Variants in FAM186B observed in about 807,000 individuals in gnomAD.
FAM186B encodes the protein protein FAM186B.
Under a neutral mutation model 83.4 loss-of-function variants are expected in FAM186B, and 68 were observed. The ratio of observed to expected loss-of-function variants is 0.81; its 90% CI spans 0.67 to 1.00. FAM186B has a LOEUF of 1.00. Ranked by LOEUF, FAM186B falls within the 50% of genes least tolerant of loss-of-function variation. The pLI is 0.00. For synonymous variants in FAM186B, 389 were observed against 422.0 expected (o/e 0.92, Z 0.96); for missense variants, 983 against 1,099.2 (o/e 0.89, Z 1.49).
the FAM186B span, among the ~76,000 whole-genome samples, chr12:49,615,436 C>G: frequency 6.6e-6 from 1 of 152,138 alleles, no homozygotes; most frequent in Non-Finnish European, 1.5e-5. Flanking sequence ...AGATAAAGAG[C>G]TACTACAACT....
chr12:49,621,135 C>T, the FAM186B span, among the ~76,000 whole-genome samples: 1 of 152,224 alleles, frequency 6.6e-6, no homozygotes, highest in African/African-American at 2.4e-5. Flanking sequence ...GTAATCCCAA[C>T]ACTTTGCCAG....
Position 49,587,695 on chromosome 12 carries a change from G to GT in FAM186B, c.2591dup (p.Tyr864Ter). 6.2e-7 allele frequency: 1 copy of GT among 1,614,084 alleles called. No individual in the cohort carries two copies. ...VWKTEVASSS[Y>*]AIEKKTPASL... ...TGGCAGGGGTCTTTTTTTCTATTGC[G>GT]TAACTGGAGGAGGCCACCTCGGTCT... is the stretch of plus-strand genomic sequence containing the variant. The change falls in exon 7 of 7, where the codon TAC (tyrosine) becomes TAAC (stop). Residue 864 changes from tyrosine (Y) to a stop codon, truncating the protein, a stop_gained and frameshift_variant. Transcript: ENST00000257894. LOFTEE classifies it low-confidence loss of function (END_TRUNC).
At chr12:49,608,261 CG>C (rs984733612), upstream of FAM186B, among the ~76,000 whole-genome samples, 191 of 149,940 alleles carry the variant, frequency 1.3e-3, 1 homozygote, top group African/African-American at 4.5e-3. Flanking sequence ...GAGCCTGAGG[CG>C]GGTGGATCAC....
In FAM186B at chr12:49,599,878, G is replaced by C; in HGVS notation, c.1762C>G (p.Gln588Glu). The change falls in exon 4 of 7, where the codon CAA (glutamine) becomes GAA (glutamate). Residue 588 changes from glutamine (Q) to glutamate (E), a missense_variant. Transcript: ENST00000257894. The part of the protein sequence containing the change: ...PAPSRTQSAH[Q>E]SRRPHLPMSP... Reference sequence around the variant, plus strand: ...ATGGGCAAGTGTGGCCTCCTGCTTTGGTGAGCAGATTGGGTCCGGCTTGGG... The same window carrying C: ...ATGGGCAAGTGTGGCCTCCTGCTTTCGTGAGCAGATTGGGTCCGGCTTGGG... 6.2e-7 allele frequency: 1 copy of C among 1,609,488 alleles called. No homozygotes were observed. The highest frequency in any genetic ancestry group is 1.7e-5 in the Admixed American group (1 of 59,692).
In FAM186B at chr12:49,601,026, A is replaced by T. The variant is rs779576089; in HGVS notation, c.614T>A (p.Met205Lys). The change falls in exon 4 of 7, where the codon ATG becomes AAG. Residue 205 changes from methionine to lysine, a missense_variant. Met to Lys is a moderately conservative substitution (Grantham distance 95). Coordinates refer to ENST00000257894, the MANE Select transcript of FAM186B (RefSeq NM_032130.3). ...PEQMLQDQHT[M>K]NTKASEVTSM... ...CGTCACCTCCGAGGCCTTCGTGTTCATGGTATGCTGGTCCTGGAGCATCTG... is the reference window on the plus strand; with the variant it reads ...CGTCACCTCCGAGGCCTTCGTGTTCTTGGTATGCTGGTCCTGGAGCATCTG... 1 of 1,614,056 alleles carries T rather than the reference A, an allele frequency of 6.2e-7. No individual in the cohort carries two copies. The highest frequency in any genetic ancestry group is 8.5e-7 in the Non-Finnish European group (1 of 1,180,028).
At position 49,605,458 on chromosome 12, in the gene FAM186B, G is replaced by A. The variant is rs377032725; in HGVS notation, c.20C>T (p.Pro7Leu). The change falls in exon 1 of 7, where the codon CCA becomes CTA. Residue 7 changes from proline to leucine, a missense_variant. By Grantham distance (98) the Pro-to-Leu change is moderately conservative (BLOSUM62 -3). Coordinates refer to ENST00000257894, the MANE Select transcript of FAM186B (RefSeq NM_032130.3). MEKDDP[P>L]QLVTPTSVKA... The stretch of plus-strand genomic sequence containing the variant: ...CACTGATGTGGGAGTCACCAACTGT[G>A]GGGGGTCATCCTTCTCCATTTTGGA... 16 of 1,613,412 alleles carry A rather than the reference G, an allele frequency of 9.9e-6. No homozygotes were observed. The highest frequency in any genetic ancestry group is 1.7e-5 in the Admixed American group (1 of 59,952).
At position 49,598,817 on chromosome 12, in the gene FAM186B, G is replaced by T. The variant is rs1939790496; in HGVS notation, c.2302C>A (p.Gln768Lys). The T allele has an allele frequency of 9.9e-6, 16 of 1,612,770 alleles. No homozygotes were observed. The highest frequency in any genetic ancestry group is 1.4e-5 in the Non-Finnish European group (16 of 1,179,840). Residue 768 changes from glutamine (Q) to lysine (K), a missense_variant, in exon 5 of 7, where the codon CAG (glutamine) becomes AAG (lysine). Coordinates refer to ENST00000257894, the MANE Select transcript of FAM186B (RefSeq NM_032130.3). ...CGGTGCTTCTCCTCCAGCCCCTTCT[G>T]CTTGTCCGTCCAGGCCTGCAGCCTG... ...SLRLQAWTDKQKGLEEKHREC... is the reference protein window; with the variant it reads ...SLRLQAWTDKKKGLEEKHREC...
downstream of FAM186B, among the ~76,000 whole-genome samples, chr12:49,585,829 T>C (rs1939430802): frequency 6.6e-6 from 1 of 151,976 alleles, no homozygotes; most frequent in Non-Finnish European, 1.5e-5. Flanking sequence ...CGAGAAAAGG[T>C]GCACTTCAGG....
chr12:49,586,628 A>G (rs910658595), downstream of FAM186B, among the ~76,000 whole-genome samples: 1 of 152,184 alleles, frequency 6.6e-6, no homozygotes, highest in Admixed American at 6.5e-5. Context: ...ACTGGGTTAC[A>G]GTGTTCTCCC....
the FAM186B span, among the ~76,000 whole-genome samples, chr12:49,616,380 CTAAG>C: frequency 6.6e-6 from 1 of 152,110 alleles, no homozygotes; most frequent in Non-Finnish European, 1.5e-5. Context: ...AATCCCACTC[CTAAG>C]TATTTAAATA....
In FAM186B at chr12:49,599,725, C is replaced by T. The variant is rs779637034; in HGVS notation, c.1915G>A (p.Gly639Arg). ...PKKSASFPVTGTSIRRLTWPS... is the reference protein window; with the variant it reads ...PKKSASFPVTRTSIRRLTWPS... ...CAGGTCAGCCTTCGGATGGATGTCCCAGTGACAGGAAAGGAGGCAGATTTC... is the reference window on the plus strand; with the variant it reads ...CAGGTCAGCCTTCGGATGGATGTCCTAGTGACAGGAAAGGAGGCAGATTTC... Residue 639 changes from glycine to arginine, a missense_variant, in exon 4 of 7, where the codon GGG becomes AGG. Coordinates refer to ENST00000257894, the MANE Select transcript of FAM186B (RefSeq NM_032130.3). The T allele has an allele frequency of 8.1e-6, 13 of 1,613,918 alleles. No individual in the cohort carries two copies. Among genetic ancestry groups the T allele is most frequent in the Non-Finnish European group, 1.1e-5 (13 of 1,179,886 alleles).
the FAM186B span, among the ~76,000 whole-genome samples, chr12:49,621,716 G>C: frequency 5.9e-5 from 9 of 152,242 alleles, no homozygotes; most frequent in Admixed American, 5.9e-4. Context: ...GGGGAGGACA[G>C]ACCCAAGGAG....
At chr12:49,612,842 CA>C in the FAM186B span, among the ~76,000 whole-genome samples, 1 of 152,102 alleles carries the variant, frequency 6.6e-6, no homozygotes, top group East Asian at 1.9e-4. Flanking sequence ...AAAATACTAA[CA>C]AAGAAATTCA....
At chr12:49,584,558 A>G (rs938011246), downstream of FAM186B, 1 of 702,316 alleles carries the variant, frequency 1.4e-6, no homozygotes, top group Non-Finnish European at 2.6e-6. Context: ...TTTTTGAACA[A>G]GCTAAGCGGA....
downstream of FAM186B, chr12:49,584,613 C>T (rs1263182057): frequency 1.6e-5 from 11 of 702,174 alleles, no homozygotes; most frequent in African/African-American, 5.2e-5. Context: ...TTCGCTGAGG[C>T]GCTGCAAGAG....
At chr12:49,605,841 C>A (rs1940008531), upstream of FAM186B, among the ~76,000 whole-genome samples, 1 of 150,552 alleles carries the variant, frequency 6.6e-6, no homozygotes, top group African/African-American at 2.5e-5. Context: ...TCACTGCAAC[C>A]TCCACTTCCT....
chr12:49,605,361 T>A, intron 1 of FAM186B, 21 bp downstream of exon 1: 1 of 1,605,852 alleles, frequency 6.2e-7, no homozygotes, highest in Admixed American at 1.7e-5. Flanking sequence ...GTAAGAGTGA[T>A]TCCTTCATCT....
Position 49,600,475 on chromosome 12 carries a change from G to A in FAM186B, c.1165C>T (p.His389Tyr). 1 of 1,613,498 alleles carries A rather than the reference G, an allele frequency of 6.2e-7. No individual in the cohort carries two copies. Among genetic ancestry groups the A allele is most frequent in the Non-Finnish European group, 8.5e-7 (1 of 1,179,672 alleles). The change falls in exon 4 of 7, where the codon CAC becomes TAC. Residue 389 changes from histidine to tyrosine, a missense_variant. Transcript: ENST00000257894. The surrounding 1 kb of genome is among the most constrained non-coding windows in gnomAD (Gnocchi z 4.3). ...IRDSGAIAAGHQPLSTMTVRS... is the reference protein window; with the variant it reads ...IRDSGAIAAGYQPLSTMTVRS... ...ACAGTCATGGTGGAAAGTGGCTGGT[G>A]CCCTGCAGCTATAGCACCACTGTCC...
chr12:49,607,856 C>T (rs186950538), upstream of FAM186B, among the ~76,000 whole-genome samples: 104 of 152,064 alleles, frequency 6.8e-4, no homozygotes, highest in Non-Finnish European at 1.1e-3. Context: ...CGTGCCACCA[C>T]GCGCAGCTAA....
Sources: gnomAD v4.1 joint callset for allele counts (sites outside exome capture counted in the v4.1 genomes callset) on GRCh38, gnomAD v4.1.1 for gene constraint, Gnocchi (gnomAD v3.1) non-coding constraint, MANE v1.5 for transcripts, NCBI Gene and HGNC (gene_info 2026-07-23, HGNC 2026-07-21) for gene names.